The following MGAT5 variants were observed in gnomAD, a reference collection of about 807,000 sequenced individuals.
MGAT5 encodes alpha-1,6-mannosylglycoprotein 6-beta-N-acetylglucosaminyltransferase, also known as alpha-1,6-mannosylglycoprotein 6-beta-N-acetylglucosaminyltransferase A.
In MGAT5, 30 loss-of-function variants were observed where a neutral mutation model predicts 94.3. The ratio of observed to expected loss-of-function variants is 0.32; its 90% CI spans 0.24 to 0.43. The LOEUF is 0.43. Among genes scored for constraint, MGAT5 ranks in the 20% least tolerant of loss-of-function variants. The pLI is 1.00. For synonymous variants in MGAT5, 310 were observed against 322.9 expected (o/e 0.96, Z 0.43); for missense variants, 691 against 905.5 (o/e 0.76, Z 3.04).
At chr2:134,374,358 T>C (rs1437202084) in intron 10 of MGAT5, among the ~76,000 whole-genome samples, 1 of 152,178 alleles carries the variant, frequency 6.6e-6, no homozygotes, top group Non-Finnish European at 1.5e-5. Context: ...TCTACATCAG[T>C]GCAGATCCAT....
At chr2:134,331,507 T>C (rs867331905) in intron 4 of MGAT5, among the ~76,000 whole-genome samples, 1 of 152,076 alleles carries the variant, frequency 6.6e-6, no homozygotes. Context: ...CTTAGACTTA[T>C]GGTGGTAAAT....
intron 1 of MGAT5, among the ~76,000 whole-genome samples, chr2:134,222,307 T>C (rs1424436465): frequency 1.4e-5 from 2 of 145,872 alleles, no homozygotes; most frequent in African/African-American, 5.1e-5. Flanking sequence ...TCCAGGGCTA[T>C]AGGTAGAATC....
chr2:134,429,878 G>T (rs1684792980), intron 14 of MGAT5, among the ~76,000 whole-genome samples: 1 of 152,164 alleles, frequency 6.6e-6, no homozygotes, highest in Non-Finnish European at 1.5e-5. Flanking sequence ...ATTCCAGGAG[G>T]TGGTAGTAAT....
chr2:134,442,807 C>T (rs941704004), intron 15 of MGAT5, among the ~76,000 whole-genome samples: 2 of 152,000 alleles, frequency 1.3e-5, no homozygotes, highest in Non-Finnish European at 2.9e-5. Flanking sequence ...TATCTAGCCT[C>T]CCCACCCACC....
At chr2:134,343,319 A>G (rs1688739146) in intron 7 of MGAT5, among the ~76,000 whole-genome samples, 1 of 152,222 alleles carries the variant, frequency 6.6e-6, no homozygotes. Flanking sequence ...CATCAACATT[A>G]TAACCAGTGA....
chr2:134,289,397 G>C (rs1480118021), intron 2 of MGAT5, among the ~76,000 whole-genome samples: 1 of 152,132 alleles, frequency 6.6e-6, no homozygotes, highest in Non-Finnish European at 1.5e-5. Context: ...CGGGCACAAA[G>C]CCATCAGCCA....
In MGAT5 at chr2:134,398,631, A is replaced by T. The variant is rs147143663; in HGVS notation, c.1381-4357A>T. ...AGATCAAAGAGATATCCGCATCCCC[A>T]TGTTTATTGCAGCACTATTTACAAT... is the stretch of plus-strand genomic sequence containing the variant. On this transcript the variant is annotated intron_variant, in intron 10 of 15. Coordinates refer to ENST00000281923, the MANE Select transcript of MGAT5 (RefSeq NM_002410.5). Among the ~76,000 whole-genome samples, 11 of 152,314 alleles carry T rather than the reference A, an allele frequency of 7.2e-5. No homozygotes were observed. In the East Asian group the frequency reaches 1.9e-3, roughly 27 times the overall value.
At chr2:134,130,380 G>A (rs956010497) in intron 1 of MGAT5, among the ~76,000 whole-genome samples, 2 of 152,250 alleles carry the variant, frequency 1.3e-5, no homozygotes, top group Non-Finnish European at 2.9e-5. Flanking sequence ...GACTGCCCAA[G>A]GGCTGAGGAA....
intron 1 of MGAT5, among the ~76,000 whole-genome samples, chr2:134,132,991 C>T (rs576308546): frequency 6.6e-6 from 1 of 152,296 alleles, no homozygotes; most frequent in African/African-American, 2.4e-5. Context: ...TTAAATAAGG[C>T]TTTCTAGTGG....
chr2:134,217,646 A>G (rs962790620), intron 1 of MGAT5, among the ~76,000 whole-genome samples: 5 of 152,236 alleles, frequency 3.3e-5, no homozygotes, highest in Non-Finnish European at 5.9e-5. Flanking sequence ...ATGGCTGTAA[A>G]TAAGGTTGGT....
intron 15 of MGAT5, among the ~76,000 whole-genome samples, chr2:134,446,433 A>AC (rs201706938): frequency 6.6e-6 from 1 of 151,528 alleles, no homozygotes; most frequent in African/African-American, 2.4e-5. Context: ...GCTGTAATTC[A>AC]CCCAAAAAAA....
chr2:134,261,450 G>C (rs1683327547), intron 1 of MGAT5, among the ~76,000 whole-genome samples: 1 of 152,180 alleles, frequency 6.6e-6, no homozygotes, highest in South Asian at 2.1e-4. Context: ...GGACAAGACT[G>C]TTGGGTGGTG....
At chr2:134,143,815 G>T (rs766946460) in intron 1 of MGAT5, among the ~76,000 whole-genome samples, 1 of 152,172 alleles carries the variant, frequency 6.6e-6, no homozygotes, top group Non-Finnish European at 1.5e-5. Flanking sequence ...CTATTGAACC[G>T]CCTGAATGCA....
intron 9 of MGAT5, among the ~76,000 whole-genome samples, chr2:134,353,261 C>T (rs1679507638): frequency 6.6e-6 from 1 of 152,010 alleles, no homozygotes; most frequent in African/African-American, 2.4e-5. Context: ...TAGAGACAAA[C>T]CTAGCTGTAC....
Position 134,247,359 on chromosome 2 carries a change from T to TTA in MGAT5, c.-142-6903_-142-6902insTA, listed in dbSNP as rs1553501093. Among the ~76,000 whole-genome samples, 9 of 91,468 alleles carry TTA rather than the reference T, an allele frequency of 9.8e-5. No individual in the cohort carries two copies. The Admixed American group carries it at 1.0e-3, about 11-fold the overall frequency. The allele number at this position is 91,468 out of a possible 152,430, so 60.0% of individuals were successfully genotyped here. ...TGTGAATAGATACCTGGGCCTGAAT[T>TTA]AAAAAAAAAAAAAAACAAAAAAAAA... On this transcript the variant is annotated intron_variant, in intron 1 of 16. Coordinates refer to the MGAT5 transcript ENST00000409645.
chr2:134,204,371 G>A (rs1679934653), intron 1 of MGAT5, among the ~76,000 whole-genome samples: 1 of 151,990 alleles, frequency 6.6e-6, no homozygotes, highest in African/African-American at 2.4e-5. Context: ...TTTCTTCCTT[G>A]GCTAATGAAA....
intron 10 of MGAT5, among the ~76,000 whole-genome samples, chr2:134,365,146 G>A (rs1045275857): frequency 1.3e-5 from 2 of 152,174 alleles, no homozygotes; most frequent in African/African-American, 4.8e-5. Context: ...ATTTGGACCA[G>A]ATGACTTTGG....
At chr2:134,289,025 C>A (rs1297439220) in intron 2 of MGAT5, among the ~76,000 whole-genome samples, 1 of 152,202 alleles carries the variant, frequency 6.6e-6, no homozygotes, top group Non-Finnish European at 1.5e-5. Flanking sequence ...AACTGCCAGT[C>A]TTTTTTGGGT....
intron 1 of MGAT5, among the ~76,000 whole-genome samples, chr2:134,173,847 G>A (rs1688335940): frequency 6.6e-6 from 1 of 152,152 alleles, no homozygotes; most frequent in African/African-American, 2.4e-5. Flanking sequence ...CCTTTAAATA[G>A]CCTTCAGCGT....
Sources: allele counts gnomAD v4.1 joint callset (sites outside exome capture counted in the v4.1 genomes callset), GRCh38; gene constraint gnomAD v4.1.1; transcripts MANE v1.5; gene names NCBI Gene and HGNC (gene_info 2026-07-23, HGNC 2026-07-21).